Variants in SNUPN observed in about 807,000 individuals in gnomAD.
SNUPN encodes snurportin 1, also known as snurportin-1.
SNUPN carries 31 observed loss-of-function variants against 39.2 expected under a neutral mutation model. The ratio of observed to expected loss-of-function variants is 0.79; its 90% CI spans 0.59 to 1.07. The LOEUF is 1.07. SNUPN is among the 50% of genes least tolerant of loss of function. The pLI is 0.00. For missense variants in SNUPN, 382 were observed against 434.2 expected (o/e 0.88, Z 1.07); for synonymous variants, 132 against 159.0 (o/e 0.83, Z 1.28).
chr15:75,616,299 A>T (rs1595987460), intron 3 of SNUPN, among the ~76,000 whole-genome samples: 1 of 151,892 alleles, frequency 6.6e-6, no homozygotes, highest in Non-Finnish European at 1.5e-5. Flanking sequence ...TCTACTAAAA[A>T]TACAAAAACT....
Position 75,620,918 on chromosome 15 carries a change from C to T in SNUPN, c.134G>A (p.Arg45Gln), listed in dbSNP as rs779394934. Residue 45 changes from arginine (R) to glutamine (Q), a missense_variant, in exon 2 of 9, where the codon CGG becomes CAG. Coordinates refer to ENST00000308588, the MANE Select transcript of SNUPN (RefSeq NM_005701.4). ...YSSLEQSERR[R>Q]RLLELQKSKR... ...CGATTTCTGCAGTTCCAGTAACCTC[C>T]GGCGGCGCTCACTCTGCTCCAAGGA... 5.0e-6 allele frequency: 8 copies of T among 1,613,368 alleles called. No homozygotes were observed. Among genetic ancestry groups the T allele is most frequent in the South Asian group, 3.3e-5 (3 of 91,034 alleles).
chr15:75,624,628 G>C lies in SNUPN; in HGVS notation c.-6+1038C>G, dbSNP rs547990266. 465 of 717,340 alleles carry C rather than the reference G, an allele frequency of 6.5e-4. No individual in the cohort carries two copies. The African/African-American group carries it at 8.6e-3, about 13-fold the overall frequency. 44.4% of individuals were successfully genotyped at this position (717,340 alleles called of 1,614,324 possible). A position where few individuals can be genotyped will look rare whatever the true frequency, so the allele number is the denominator to read the frequency against. ...GCGGAGCTTGCAGTGAGTCGAGATC[G>C]TGCCACTGCACTCCAGCCTGGACTT... On this transcript the variant is annotated intron_variant, in intron 1 of 8. Coordinates refer to ENST00000308588, the MANE Select transcript of SNUPN (RefSeq NM_005701.4).
chr15:75,610,091 C>G, intron 3 of SNUPN, 97 bp from the exon 4 acceptor site: 1 of 944,266 alleles, frequency 1.1e-6, no homozygotes, highest in Non-Finnish European at 1.7e-6. Flanking sequence ...ATATTAAAAA[C>G]CTGAGTGAAA....
chr15:75,623,788 AT>A (rs1893138795), intron 1 of SNUPN, among the ~76,000 whole-genome samples: 2 of 152,056 alleles, frequency 1.3e-5, no homozygotes, highest in African/African-American at 4.8e-5. Flanking sequence ...AAGGGTTGCC[AT>A]TCCTGAGTGA....
At chr15:75,599,223 A>G (rs1465956897) in intron 8 of SNUPN, among the ~76,000 whole-genome samples, 2 of 152,092 alleles carry the variant, frequency 1.3e-5, no homozygotes, top group Admixed American at 1.3e-4. Context: ...TCCTGTTTAC[A>G]GAGTGCTTTC....
At chr15:75,624,665 GAAAA>G in intron 1 of SNUPN, 7 of 1,038,036 alleles carry the variant, frequency 6.7e-6, no homozygotes, top group Non-Finnish European at 8.5e-6. Context: ...GTCTCAAAAA[GAAAA>G]AAAAAAGAAA....
intron 2 of SNUPN, 118 bp downstream of exon 2, chr15:75,620,776 A>C: frequency 1.1e-6 from 1 of 871,916 alleles, no homozygotes; most frequent in Non-Finnish European, 1.8e-6. Context: ...GGGCAAGAAG[A>C]TCAGCCTACA....
intron 5 of SNUPN, among the ~76,000 whole-genome samples, chr15:75,608,531 C>T (rs560570392): frequency 6.6e-6 from 1 of 152,308 alleles, no homozygotes; most frequent in East Asian, 1.9e-4. Context: ...CGACCTTAGT[C>T]TACTCAGCTA....
chr15:75,623,830 A>C (rs1414089270), intron 1 of SNUPN, among the ~76,000 whole-genome samples: 12 of 152,136 alleles, frequency 7.9e-5, no homozygotes, highest in African/African-American at 2.9e-4. Context: ...CTTGGGATCC[A>C]TATGGTATGT....
At chr15:75,607,551 A>G (rs186236957) in intron 5 of SNUPN, among the ~76,000 whole-genome samples, 1 of 152,352 alleles carries the variant, frequency 6.6e-6, no homozygotes, top group East Asian at 1.9e-4. Context: ...AACCTTAAGC[A>G]AAGTGAGAAT....
rs1159253386 is a variant in SNUPN, at chr15:75,621,017, A to G, written c.35T>C (p.Phe12Ser). The G allele has an allele frequency of 6.2e-7, 1 of 1,613,966 alleles. No individual in the cohort carries two copies. Among genetic ancestry groups the G allele is most frequent in the African/African-American group, 1.3e-5 (1 of 74,900 alleles). ...GCTGTTCAGATCTTGAGACACAGAA[A>G]AGCTACTAGCCAGGGCCTGACTCAA... ...EELSQALASS[F>S]SVSQDLNSTA... The change falls in exon 2 of 9, where the codon TTT becomes TCT. Residue 12 changes from phenylalanine to serine, a missense_variant. Transcript: ENST00000308588.
chr15:75,612,886 C>T (rs1892821210), intron 3 of SNUPN, among the ~76,000 whole-genome samples: 1 of 151,628 alleles, frequency 6.6e-6, no homozygotes, highest in African/African-American at 2.4e-5. Context: ...AACAATATCA[C>T]CAAGAAGACA....
intron 1 of SNUPN, among the ~76,000 whole-genome samples, chr15:75,623,448 CTTTTTT>C (rs36102472): frequency 7.1e-6 from 1 of 140,860 alleles, no homozygotes. Flanking sequence ...CACGCCCGGC[CTTTTTT>C]TTTTTTTTGA....
rs539545445 is a variant in SNUPN, at chr15:75,598,559, C to A, written c.882G>T (p.Pro294=). Residue 294 remains proline (P), a synonymous_variant, in exon 9 of 9, where the codon CCG becomes CCT. Transcript: ENST00000308588. ...CAGCATAGTCTGGCTTGGTGGTCAG[C>A]GGGCCAGCCGGCACAGCTACACCAA... The part of the protein sequence containing the change: ...DVLGVAVPAG[P]LTTKPDYAGH... 2 of 1,614,128 alleles carry A rather than the reference C, an allele frequency of 1.2e-6. No individual in the cohort carries two copies. Among genetic ancestry groups the A allele is most frequent in the South Asian group, 1.1e-5 (1 of 91,088 alleles).
intron 7 of SNUPN, 66 bp from the exon 8 acceptor site, chr15:75,601,284 T>C (rs2141360190): frequency 8.4e-7 from 1 of 1,190,430 alleles, no homozygotes. Context: ...CAATTGAAAA[T>C]CTCTGTCAGG....
At chr15:75,621,803 C>T (rs1353320967) in intron 1 of SNUPN, among the ~76,000 whole-genome samples, 2 of 151,948 alleles carry the variant, frequency 1.3e-5, no homozygotes, top group African/African-American at 2.4e-5. Flanking sequence ...TTTGGGAGGC[C>T]GAGGTGGGTG....
Position 75,620,930 on chromosome 15 carries a change from C to A in SNUPN, c.122G>T (p.Ser41Ile). The change falls in exon 2 of 9, where the codon AGT becomes ATT. Residue 41 changes from serine to isoleucine, a missense_variant. Coordinates refer to ENST00000308588, the MANE Select transcript of SNUPN (RefSeq NM_005701.4). ...TTCCAGTAACCTCCGGCGGCGCTCA[C>A]TCTGCTCCAAGGAACTGTACTTGGA... is the stretch of plus-strand genomic sequence containing the variant. ...YKSKYSSLEQ[S>I]ERRRRLLELQ... 1 of 1,613,998 alleles carries A rather than the reference C, an allele frequency of 6.2e-7. No homozygotes were observed. Among genetic ancestry groups the A allele is most frequent in the Non-Finnish European group, 8.5e-7 (1 of 1,179,982 alleles).
rs779818640 is a variant in SNUPN, at chr15:75,609,606, AC to A, written c.453del (p.Arg151SerfsTer22). 2 of 1,613,804 alleles carry A rather than the reference AC, an allele frequency of 1.2e-6. No homozygotes were observed. The highest frequency in any genetic ancestry group is 1.7e-5 in the Admixed American group (1 of 59,944). On this transcript the variant is annotated frameshift_variant, in exon 5 of 9. Transcript: ENST00000308588. LOFTEE classifies it high-confidence loss of function. ...AYTKSGYCVN[R>X]FSSLLPGGNR... ...TTGCCTCCTGGCAGAAGTGAAGAAA[AC>A]CTGTTGACACAGTAGCCACTCTTGG...
At chr15:75,617,256 T>C in intron 3 of SNUPN, 152 bp downstream of exon 3, 2 of 764,802 alleles carry the variant, frequency 2.6e-6, no homozygotes, top group Non-Finnish European at 4.3e-6. Context: ...TCATCCCATA[T>C]GATCTACGTA....
Sources: allele counts gnomAD v4.1 joint callset (sites outside exome capture counted in the v4.1 genomes callset), GRCh38; gene constraint gnomAD v4.1.1; transcripts MANE v1.5; gene names NCBI Gene and HGNC (gene_info 2026-07-23, HGNC 2026-07-21).